Variants in LYN observed in about 807,000 individuals in gnomAD.
LYN encodes the protein tyrosine-protein kinase Lyn.
In LYN, 12 loss-of-function variants were observed where a neutral mutation model predicts 65.0. The observed-to-expected ratio is 0.18, with a 90% CI of 0.12 to 0.30. The LOEUF is 0.30. Ranked by LOEUF, LYN falls within the 10% of genes least tolerant of loss-of-function variation. The pLI is 1.00. For missense variants in LYN, 380 were observed against 623.2 expected (o/e 0.61, Z 4.16); for synonymous variants, 222 against 221.2 (o/e 1.00, Z -0.03).
chr8:55,942,574 CA>C (rs565494924), intron 2 of LYN, among the ~76,000 whole-genome samples: 1 of 151,114 alleles, frequency 6.6e-6, no homozygotes, highest in Non-Finnish European at 1.5e-5. Flanking sequence ...ATCACTAGGT[CA>C]GGAGCTCGAG....
rs568896888 is a variant in LYN, at chr8:56,011,014, A to G, written c.*904A>G. On this transcript the variant is annotated 3_prime_UTR_variant, in exon 13 of 13. Coordinates refer to ENST00000519728, the MANE Select transcript of LYN (RefSeq NM_002350.4). ...AGAACCTTATAGGGCCTTCTAAAAC[A>G]TAAGAGTTTCCTTTGTTGCTTCAAA... 2 of 232,586 alleles carry G rather than the reference A, an allele frequency of 8.6e-6. No individual in the cohort carries two copies. Among genetic ancestry groups the G allele is most frequent in the Middle Eastern group, 1.3e-3 (1 of 784 alleles). 14.4% of individuals were successfully genotyped at this position (232,586 alleles called of 1,614,324 possible).
chr8:55,909,010 TACACACACAC>T (rs369256669), intron 1 of LYN, among the ~76,000 whole-genome samples: 553 of 32,138 alleles, frequency 0.017, 40 homozygotes, highest in African/African-American at 0.049. Flanking sequence ...TATATATATA[TACACACACAC>T]ACACACACAC....
chr8:55,981,084 G>A (rs1254802548), intron 10 of LYN, among the ~76,000 whole-genome samples: 3 of 152,024 alleles, frequency 2.0e-5, no homozygotes, highest in Non-Finnish European at 2.9e-5. Context: ...GCATGTGACT[G>A]ATTCCTCAGC....
chr8:55,934,067 A>G (rs1038424089), intron 1 of LYN, among the ~76,000 whole-genome samples: 1 of 152,198 alleles, frequency 6.6e-6, no homozygotes, highest in East Asian at 1.9e-4. Context: ...CTTTACTAAA[A>G]GTACAAAAAT....
At chr8:55,922,159 C>T (rs2130434511) in intron 1 of LYN, among the ~76,000 whole-genome samples, 1 of 152,320 alleles carries the variant, frequency 6.6e-6, no homozygotes, top group Non-Finnish European at 1.5e-5. Flanking sequence ...ATAAACACAG[C>T]TCGCTACAGC....
At chr8:55,894,536 A>AT (rs34130107) in intron 1 of LYN, among the ~76,000 whole-genome samples, 131 of 142,986 alleles carry the variant, frequency 9.2e-4, no homozygotes, top group East Asian at 2.3e-3. Context: ...CACCTGGCTA[A>AT]TTTTTTTTTT....
At chr8:55,988,816 GGT>G (rs1808157079) in intron 10 of LYN, among the ~76,000 whole-genome samples, 2 of 151,990 alleles carry the variant, frequency 1.3e-5, no homozygotes, top group Admixed American at 1.3e-4. Context: ...CCCTCAGTGA[GGT>G]TCCTTTGATC....
intron 1 of LYN, among the ~76,000 whole-genome samples, chr8:55,919,223 T>C (rs1023276271): frequency 4.6e-5 from 7 of 152,078 alleles, no homozygotes; most frequent in African/African-American, 1.7e-4. Context: ...AAAGTGAACA[T>C]GTGTGAGAAT....
chr8:55,953,053 G>A (rs1382735619), intron 7 of LYN, among the ~76,000 whole-genome samples: 1 of 152,298 alleles, frequency 6.6e-6, no homozygotes, highest in South Asian at 2.1e-4. Context: ...AGAGAGCAAC[G>A]TGCTTCCGAT....
At chr8:55,971,432 G>A (rs537115754) in intron 10 of LYN, among the ~76,000 whole-genome samples, 6 of 152,336 alleles carry the variant, frequency 3.9e-5, no homozygotes, top group Admixed American at 3.3e-4. Flanking sequence ...GATCAATGAG[G>A]CCCTCTACTC....
At chr8:55,968,922 T>C (rs1469979970) in intron 9 of LYN, among the ~76,000 whole-genome samples, 2 of 151,400 alleles carry the variant, frequency 1.3e-5, no homozygotes, top group African/African-American at 4.9e-5. Flanking sequence ...TTGGAGAGTT[T>C]GTTCAGCAGC....
At chr8:55,895,736 A>G (rs1490806410) in intron 1 of LYN, 1 of 152,196 alleles carries the variant, frequency 6.6e-6, no homozygotes. Context: ...ATAAAACAGT[A>G]ATAACAGATT....
intron 1 of LYN, among the ~76,000 whole-genome samples, chr8:55,912,459 C>CT (rs1805663319): frequency 6.6e-6 from 1 of 152,182 alleles, no homozygotes; most frequent in African/African-American, 2.4e-5. Flanking sequence ...GGCATGGTGG[C>CT]TTATGCCTGT....
chr8:55,881,122 G>C (rs921874321), intron 1 of LYN, among the ~76,000 whole-genome samples: 1 of 152,162 alleles, frequency 6.6e-6, no homozygotes, highest in Non-Finnish European at 1.5e-5. Context: ...CCCCTAGTAC[G>C]TACCAAGCAT....
chr8:56,009,508 A>G (rs1995976), intron 12 of LYN, among the ~76,000 whole-genome samples: 40,938 of 151,968 alleles, frequency 0.27, 5,996 homozygotes, highest in African/African-American at 0.37. Context: ...AGCCAGGTTG[A>G]TTTCTCCTGA....
chr8:55,950,513 C>T lies in LYN; in HGVS notation c.339C>T (p.Ile113=), dbSNP rs375394888. 1 of 1,613,778 alleles carries T rather than the reference C, an allele frequency of 6.2e-7. No individual in the cohort carries two copies. The highest frequency in any genetic ancestry group is 8.5e-7 in the Non-Finnish European group (1 of 1,179,972). ...KSLLTKKEGF[I]PSNYVAKLNT... is the part of the protein sequence containing the mutation. ...TTTTAACAAAAAAAGAAGGCTTCAT[C>T]CCCAGCAACTATGTGGCCAAACTCA... Residue 113 remains isoleucine, a synonymous_variant, in exon 5 of 13, where the codon ATC becomes ATT. Transcript: ENST00000519728.
chr8:56,003,998 T>C (rs1230288655), intron 12 of LYN, among the ~76,000 whole-genome samples: 1 of 142,398 alleles, frequency 7.0e-6, no homozygotes, highest in Non-Finnish European at 1.5e-5. Flanking sequence ...AATGGCGCCA[T>C]CTCACCTCAC....
At chr8:55,979,601 T>C (rs952316766) in intron 10 of LYN, among the ~76,000 whole-genome samples, 1 of 152,124 alleles carries the variant, frequency 6.6e-6, no homozygotes. Flanking sequence ...CTTGCCCCCA[T>C]TTAAGACCGG....
chr8:55,880,457 C>A (rs1022088064), intron 1 of LYN, among the ~76,000 whole-genome samples: 1 of 152,208 alleles, frequency 6.6e-6, no homozygotes, highest in Non-Finnish European at 1.5e-5. Flanking sequence ...GCTGTCCCTG[C>A]TCCGGCCGCT....
Sources: allele counts gnomAD v4.1 joint callset (sites outside exome capture counted in the v4.1 genomes callset), GRCh38; gene constraint gnomAD v4.1.1; transcripts MANE v1.5; gene names NCBI Gene and HGNC (gene_info 2026-07-23, HGNC 2026-07-21).